The following RIMBP2 variants were observed in gnomAD, a reference collection of about 807,000 sequenced individuals.
RIMBP2 encodes RIMS-binding protein 2.
A neutral mutation model predicts 118.6 loss-of-function variants in RIMBP2; 48 were observed. The observed-to-expected ratio is 0.40, with a 90% CI of 0.32 to 0.51. The LOEUF (loss-of-function observed/expected upper bound fraction) is 0.51, where lower values mean the gene tolerates loss of function less well. Ranked by LOEUF, RIMBP2 falls within the 20% of genes least tolerant of loss-of-function variation. The pLI is 0.41. For missense variants in RIMBP2, 1,551 were observed against 1,768.3 expected (o/e 0.88, Z 2.20); for synonymous variants, 762 against 742.9 (o/e 1.03, Z -0.42).
intron 3 of RIMBP2, among the ~76,000 whole-genome samples, chr12:130,517,366 A>C (rs1344743141): frequency 6.6e-6 from 1 of 152,174 alleles, no homozygotes; most frequent in Non-Finnish European, 1.5e-5. Flanking sequence ...TCCATAGCTT[A>C]AGAAATAGAT....
chr12:130,493,674 A>G (rs1168452787), intron 4 of RIMBP2, among the ~76,000 whole-genome samples: 1 of 152,170 alleles, frequency 6.6e-6, no homozygotes, highest in African/African-American at 2.4e-5. Flanking sequence ...TGTCACTCCT[A>G]GTGGTTGCCC....
chr12:130,687,767 T>C (rs1424119505), intron 1 of RIMBP2, among the ~76,000 whole-genome samples: 2 of 152,192 alleles, frequency 1.3e-5, no homozygotes, highest in Non-Finnish European at 2.9e-5. Flanking sequence ...TGGAAGAATA[T>C]ATGGGCTTTT....
chr12:130,460,326 C>T (rs1353788062), intron 6 of RIMBP2, among the ~76,000 whole-genome samples: 2 of 152,236 alleles, frequency 1.3e-5, no homozygotes, highest in Non-Finnish European at 2.9e-5. Context: ...AAGCGGCGCT[C>T]GCAGGAGCAG....
At chr12:130,541,472 G>A (rs565809234) in intron 2 of RIMBP2, among the ~76,000 whole-genome samples, 7 of 152,296 alleles carry the variant, frequency 4.6e-5, no homozygotes, top group Admixed American at 6.5e-5. Context: ...TGAAGATCAC[G>A]GAATGATTCA....
intron 2 of RIMBP2, among the ~76,000 whole-genome samples, chr12:130,554,726 G>A (rs2056176031): frequency 6.6e-6 from 1 of 152,154 alleles, no homozygotes. Flanking sequence ...ATTTTAGAGA[G>A]AGGAAACAGA....
At chr12:130,674,824 G>A (rs539582895) in intron 1 of RIMBP2, among the ~76,000 whole-genome samples, 5 of 151,754 alleles carry the variant, frequency 3.3e-5, no homozygotes, top group African/African-American at 4.8e-5. Flanking sequence ...GTGTGGGTTC[G>A]CCTGCTCGGG....
chr12:130,692,716 G>A (rs1472944433), intron 1 of RIMBP2, among the ~76,000 whole-genome samples: 1 of 152,122 alleles, frequency 6.6e-6, no homozygotes, highest in African/African-American at 2.4e-5. Context: ...CATGGAATGG[G>A]ATGGGGTGCA....
intron 2 of RIMBP2, among the ~76,000 whole-genome samples, chr12:130,539,891 G>T (rs1000021542): frequency 2.3e-5 from 3 of 129,212 alleles, no homozygotes; most frequent in Non-Finnish European, 4.9e-5. Flanking sequence ...AGGTGGCGAG[G>T]TGTAGGCTAT....
At chr12:130,537,951 G>A (rs1263235138) in intron 2 of RIMBP2, among the ~76,000 whole-genome samples, 2 of 152,200 alleles carry the variant, frequency 1.3e-5, no homozygotes, top group Non-Finnish European at 2.9e-5. Flanking sequence ...CCTCCAGATG[G>A]AAGGATAGAA....
At chr12:130,555,834 C>G (rs114500669) in intron 2 of RIMBP2, among the ~76,000 whole-genome samples, 1 of 152,174 alleles carries the variant, frequency 6.6e-6, no homozygotes, top group Non-Finnish European at 1.5e-5. Context: ...ATGCCCCATG[C>G]CTGGCAAAAG....
chr12:130,407,309 C>T (rs764429860), intron 20 of RIMBP2, among the ~76,000 whole-genome samples: 5 of 152,166 alleles, frequency 3.3e-5, no homozygotes, highest in Admixed American at 6.5e-5. Context: ...CTGTGCCAGG[C>T]GACACAACCT....
At chr12:130,588,763 T>G (rs182274027) in intron 2 of RIMBP2, among the ~76,000 whole-genome samples, 3 of 152,366 alleles carry the variant, frequency 2.0e-5, no homozygotes, top group Non-Finnish European at 2.9e-5. Context: ...GTTGAACACA[T>G]GAATATCGGT....
At chr12:130,613,271 T>C (rs1448466906) in intron 2 of RIMBP2, among the ~76,000 whole-genome samples, 1 of 152,128 alleles carries the variant, frequency 6.6e-6, no homozygotes, top group Non-Finnish European at 1.5e-5. Context: ...ACTCCAATTG[T>C]GGGAGCTGCG....
At chr12:130,646,125 GCCTCTCCA>G (rs2062899412) in intron 1 of RIMBP2, among the ~76,000 whole-genome samples, 1 of 20,026 alleles carries the variant, frequency 5.0e-5, no homozygotes, top group Non-Finnish European at 1.0e-4. Context: ...CTCACCACCT[GCCTCTCCA>G]CCTCCCTCAC....
intron 1 of RIMBP2, among the ~76,000 whole-genome samples, chr12:130,645,320 C>A (rs2062813247): frequency 6.6e-6 from 1 of 152,170 alleles, no homozygotes. Context: ...CTACAAATCA[C>A]AGCTTTTACC....
chr12:130,649,296 T>C, intron 1 of RIMBP2, among the ~76,000 whole-genome samples: 1 of 109,590 alleles, frequency 9.1e-6, no homozygotes, highest in South Asian at 2.3e-4. Context: ...AGCGGAGAGA[T>C]GAGTGCTCCC....
At chr12:130,452,305 G>A (rs1022334698) in intron 7 of RIMBP2, among the ~76,000 whole-genome samples, 7 of 152,200 alleles carry the variant, frequency 4.6e-5, no homozygotes, top group South Asian at 2.1e-4. Context: ...GTTCCACAAC[G>A]GCTGCCCTAG....
At chr12:130,464,187 G>A (rs1593399038) in intron 6 of RIMBP2, among the ~76,000 whole-genome samples, 1 of 152,158 alleles carries the variant, frequency 6.6e-6, no homozygotes, top group Non-Finnish European at 1.5e-5. Context: ...CCATCCATTC[G>A]TTTCTTCACT....
chr12:130,585,283 T>C (rs565850564), intron 2 of RIMBP2, among the ~76,000 whole-genome samples: 1 of 152,136 alleles, frequency 6.6e-6, no homozygotes, highest in East Asian at 1.9e-4. Context: ...GGTTTGTTAC[T>C]TTCTGCTCAT....
Sources: gnomAD v4.1 joint callset for allele counts (sites outside exome capture counted in the v4.1 genomes callset) on GRCh38, gnomAD v4.1.1 for gene constraint, MANE v1.5 for transcripts, NCBI Gene and HGNC (gene_info 2026-07-23, HGNC 2026-07-21) for gene names.